POU2F1: variants seen among roughly 807,000 people sequenced by gnomAD.
POU2F1 encodes the protein POU class 2 homeobox 1.
POU2F1 carries 16 observed loss-of-function variants against 84.9 expected under a neutral mutation model. The observed-to-expected ratio is 0.19, with a 90% CI of 0.13 to 0.29. POU2F1 has a LOEUF of 0.29. Ranked by LOEUF, POU2F1 falls within the 10% of genes least tolerant of loss-of-function variation. The pLI, the probability that POU2F1 is intolerant of heterozygous loss-of-function variation, is 1.00. For synonymous variants in POU2F1, 368 were observed against 368.3 expected (o/e 1.00, Z 0.01); for missense variants, 738 against 942.6 (o/e 0.78, Z 2.84).
At chr1:167,380,268 A>G (rs1410247288) in intron 7 of POU2F1, 1 of 152,160 alleles carries the variant, frequency 6.6e-6, no homozygotes, top group Admixed American at 6.5e-5. Context: ...GTTCACCTCT[A>G]AGAGTTGTAG....
chr1:167,366,321 G>C (rs1571379266), intron 3 of POU2F1, among the ~76,000 whole-genome samples: 1 of 152,172 alleles, frequency 6.6e-6, no homozygotes, highest in Non-Finnish European at 1.5e-5. Flanking sequence ...GTCTATATGT[G>C]TTGATAGTAA....
At chr1:167,338,484 G>A (rs1460260343) in intron 2 of POU2F1, among the ~76,000 whole-genome samples, 11 of 152,142 alleles carry the variant, frequency 7.2e-5, no homozygotes, top group African/African-American at 1.7e-4. Flanking sequence ...TTCAGGGTTC[G>A]ACTGTATGAC....
intron 4 of POU2F1, among the ~76,000 whole-genome samples, chr1:167,371,220 A>C (rs1659981850): frequency 6.6e-6 from 1 of 152,232 alleles, no homozygotes; most frequent in Non-Finnish European, 1.5e-5. Flanking sequence ...TCTCCAGTGC[A>C]GAATGTTTAC....
chr1:167,385,065 G>C (rs893854469), intron 8 of POU2F1, among the ~76,000 whole-genome samples: 1 of 151,992 alleles, frequency 6.6e-6, no homozygotes, highest in Non-Finnish European at 1.5e-5. Flanking sequence ...GTGAGCATTT[G>C]GAAATTGAAA....
intron 1 of POU2F1, chr1:167,329,274 C>T: frequency 6.5e-7 from 1 of 1,548,402 alleles, no homozygotes; most frequent in East Asian, 2.4e-5. Flanking sequence ...GAAGATTTCA[C>T]AGCAATGCTG....
intron 1 of POU2F1, chr1:167,318,874 A>G (rs1048590332): frequency 1.9e-5 from 3 of 155,560 alleles, no homozygotes; most frequent in African/African-American, 2.4e-5. Context: ...AGTGGTAGAA[A>G]AGGTAAATAT....
At chr1:167,349,786 ATAAT>A (rs765652733) in intron 2 of POU2F1, among the ~76,000 whole-genome samples, 114 of 152,318 alleles carry the variant, frequency 7.5e-4, no homozygotes, top group Middle Eastern at 3.4e-3. Flanking sequence ...TTGTTCCTAA[ATAAT>A]TATATAAAAA....
chr1:167,372,064 A>G, intron 5 of POU2F1, 28 bp downstream of exon 5: 1 of 1,596,746 alleles, frequency 6.3e-7, no homozygotes, highest in East Asian at 2.2e-5. Context: ...GAATTATAAC[A>G]AACTTTTTCT....
intron 1 of POU2F1, among the ~76,000 whole-genome samples, chr1:167,287,810 C>T (rs966242629): frequency 2.6e-5 from 4 of 151,814 alleles, no homozygotes; most frequent in African/African-American, 7.3e-5. Context: ...AAACTCCAAG[C>T]GAGATAGGTA....
intron 1 of POU2F1, among the ~76,000 whole-genome samples, chr1:167,312,710 A>C (rs944044656): frequency 1.5e-4 from 23 of 152,190 alleles, no homozygotes; most frequent in Admixed American, 1.3e-3. Context: ...ATTCACATTC[A>C]CTCACAACTC....
intron 1 of POU2F1, chr1:167,241,756 T>C (rs1649919836): frequency 6.6e-6 from 1 of 152,204 alleles, no homozygotes; most frequent in Non-Finnish European, 1.5e-5. Context: ...TCAACACTTA[T>C]GTAGGCATCA....
At chr1:167,364,719 C>T (rs560826477) in intron 2 of POU2F1, among the ~76,000 whole-genome samples, 2 of 151,124 alleles carry the variant, frequency 1.3e-5, no homozygotes, top group South Asian at 2.1e-4. Context: ...GGACTTCAGG[C>T]GCACACCACC....
Position 167,401,458 on chromosome 1 carries a change from C to G in POU2F1, c.1457C>G (p.Thr486Ser), listed in dbSNP as rs1649201031. 6.2e-7 allele frequency: 1 copy of G among 1,610,058 alleles called. No homozygotes were observed. The highest frequency in any genetic ancestry group is 1.3e-5 in the African/African-American group (1 of 74,724). Residue 486 changes from threonine (T) to serine (S), a missense_variant, in exon 13 of 16, where the codon ACC becomes AGC. Thr to Ser is a moderately conservative substitution (Grantham distance 58, BLOSUM62 1). Around this residue, in one of 4 missense-constraint regions of POU2F1, gnomAD observed 319 missense variants for 386.0 expected, o/e 0.83. Coordinates refer to ENST00000367866, the MANE Select transcript of POU2F1 (RefSeq NM_002697.4). ...TTCATTTCTGACCTCAAGGTGGCGA[C>G]CACACCAAGCCTTGTGACTAGCAGT... ...IFPSPTSLVATTPSLVTSSAA... is the reference protein window; with the variant it reads ...IFPSPTSLVASTPSLVTSSAA...
At chr1:167,283,304 G>C (rs1193978964) in intron 1 of POU2F1, among the ~76,000 whole-genome samples, 1 of 151,298 alleles carries the variant, frequency 6.6e-6, no homozygotes, top group Non-Finnish European at 1.5e-5. Flanking sequence ...CAACAAAAAG[G>C]AGGAAAAAAA....
In POU2F1 at chr1:167,362,758, A is replaced by G. The variant is rs150325605; in HGVS notation, c.128-2709A>G. Among the ~76,000 whole-genome samples the G allele has an allele frequency of 2.6e-3, 393 of 152,256 alleles. 1 individual carries two copies. Among genetic ancestry groups the G allele is most frequent in the African/African-American group, 9.0e-3 (374 of 41,554 alleles). On this transcript the variant is annotated intron_variant, in intron 2 of 15. Transcript: ENST00000367866. ...AGGATTGGCTAATTTGAATAATTTT[A>G]GAGGGCTTTGGGACCACCTAGGGGT...
intron 1 of POU2F1, among the ~76,000 whole-genome samples, chr1:167,316,302 T>C (rs1278445470): frequency 6.6e-6 from 1 of 152,184 alleles, no homozygotes; most frequent in Non-Finnish European, 1.5e-5. Flanking sequence ...ATGGGACCCA[T>C]CTTTGAAGAT....
In POU2F1 at chr1:167,398,014, T is replaced by G; in HGVS notation, c.1150T>G (p.Ser384Ala). The change falls in exon 11 of 16, where the codon TCC (serine) becomes GCC (alanine). Residue 384 changes from serine to alanine, a missense_variant. Ser to Ala is a moderately conservative substitution (Grantham distance 99, BLOSUM62 1). Coordinates refer to ENST00000367866, the MANE Select transcript of POU2F1 (RefSeq NM_002697.4). Reference protein sequence around the residue: ...NDAENLSSDSSLSSPSALNSP... With the variant: ...NDAENLSSDSALSSPSALNSP... ...TACAGAGAACCTCTCATCTGATTCGTCCCTCTCCAGCCCAAGTGCCCTGAA... is the reference window on the plus strand; with the variant it reads ...TACAGAGAACCTCTCATCTGATTCGGCCCTCTCCAGCCCAAGTGCCCTGAA... 1 of 1,613,642 alleles carries G rather than the reference T, an allele frequency of 6.2e-7. No individual in the cohort carries two copies. Among genetic ancestry groups the G allele is most frequent in the Non-Finnish European group, 8.5e-7 (1 of 1,179,762 alleles).
At chr1:167,221,691 C>T (rs1648204129) in intron 1 of POU2F1, among the ~76,000 whole-genome samples, 1 of 151,440 alleles carries the variant, frequency 6.6e-6, no homozygotes, top group African/African-American at 2.4e-5. Context: ...CCTCGCCCCA[C>T]TGGTCCCCAA....
intron 1 of POU2F1, among the ~76,000 whole-genome samples, chr1:167,278,178 A>G (rs556107850): frequency 2.0e-5 from 3 of 152,202 alleles, no homozygotes; most frequent in South Asian, 2.1e-4. Flanking sequence ...AGATTCTCAC[A>G]GGTACCATGC....
Sources: gnomAD v4.1 joint callset for allele counts (sites outside exome capture counted in the v4.1 genomes callset) on GRCh38, gnomAD v4.1.1 for gene constraint, gnomAD v4.1.1 regional missense constraint, MANE v1.5 for transcripts, NCBI Gene and HGNC (gene_info 2026-07-23, HGNC 2026-07-21) for gene names.